The following CLIC5 variants were observed in gnomAD, a reference collection of about 807,000 sequenced individuals.
CLIC5 encodes the protein CLIC family member 5, also known as chloride intracellular channel protein 5.
CLIC5 carries 20 observed loss-of-function variants against 24.7 expected under a neutral mutation model. The ratio of observed to expected loss-of-function variants is 0.81; its 90% CI spans 0.57 to 1.18. CLIC5 has a LOEUF of 1.18. CLIC5 is among the 50% of genes most tolerant of loss of function. The probability of loss-of-function intolerance (pLI) is 0.00; values close to 1 mark genes in which losing one functional copy is unlikely to be tolerated. For synonymous variants in CLIC5, 159 were observed against 135.6 expected, an observed-to-expected ratio of 1.17 and a Z score of -1.20; for missense variants, 341 against 326.1, an observed-to-expected ratio of 1.05 and a Z score of -0.35.
At chr6:46,100,841 A>G in the CLIC5 span, among the ~76,000 whole-genome samples, 22 of 152,244 alleles carry the variant, frequency 1.4e-4, no homozygotes, top group South Asian at 4.1e-4. Context: ...CACAGAGGGA[A>G]CCACAGAGCG....
intron 1 of CLIC5, 46 bp downstream of exon 1, chr6:46,015,434 G>A: frequency 6.8e-7 from 1 of 1,472,990 alleles, no homozygotes; most frequent in Non-Finnish European, 9.1e-7. Context: ...GGGTGAGCCC[G>A]GCGGGAGGCG....
upstream of CLIC5, among the ~76,000 whole-genome samples, chr6:46,019,470 A>G (rs1767112018): frequency 6.6e-6 from 1 of 151,552 alleles, no homozygotes; most frequent in South Asian, 2.1e-4. Flanking sequence ...ATGGATCATG[A>G]GGTCAGGAGA....
chr6:45,908,787 C>T (rs946558850), intron 5 of CLIC5, among the ~76,000 whole-genome samples: 1 of 152,040 alleles, frequency 6.6e-6, no homozygotes, highest in Non-Finnish European at 1.5e-5. Context: ...TCTGTTATGT[C>T]CAATTGTCAA....
chr6:45,904,364 C>T lies in CLIC5; in HGVS notation c.589-1109G>A, dbSNP rs143199867. On this transcript the variant is annotated intron_variant, in intron 5 of 5. Transcript: ENST00000339561. ...GCATGCATTTTCTTAATGGGGACAG[C>T]AGGATGGTTTCTTTAATGAGGTCTC... 2.0e-5 allele frequency among the ~76,000 whole-genome samples: 3 copies of T among 152,060 alleles called. No homozygotes were observed. In the East Asian group the frequency reaches 5.8e-4, roughly 30 times the overall value.
chr6:46,013,963 A>G (rs73448968), intron 1 of CLIC5, among the ~76,000 whole-genome samples: 12,297 of 151,708 alleles, frequency 0.081, 591 homozygotes, highest in Middle Eastern at 0.13. Flanking sequence ...AAGGTCCAAC[A>G]CTACCCAGCA....
chr6:45,949,182 G>T, intron 3 of CLIC5, 74 bp downstream of exon 3: 6 of 1,526,180 alleles, frequency 3.9e-6, no homozygotes, highest in Non-Finnish European at 5.3e-6. Context: ...TCTGCCCGAA[G>T]TTAACACCAG....
chr6:45,999,366 G>C (rs114526805), intron 1 of CLIC5, among the ~76,000 whole-genome samples: 3,159 of 152,214 alleles, frequency 0.021, 116 homozygotes, highest in African/African-American at 0.073. Flanking sequence ...CATTTGCTGG[G>C]TATATGGTGT....
intron 1 of CLIC5, among the ~76,000 whole-genome samples, chr6:46,000,167 T>A (rs1478435961): frequency 6.6e-6 from 1 of 152,224 alleles, no homozygotes; most frequent in Non-Finnish European, 1.5e-5. Flanking sequence ...TCAGTAAGGC[T>A]TCCCATCAGT....
chr6:46,082,248 T>G (rs1193549955), upstream of CLIC5, among the ~76,000 whole-genome samples: 6 of 152,194 alleles, frequency 3.9e-5, no homozygotes, highest in African/African-American at 1.4e-4. Context: ...AATGACCCAG[T>G]GAGGCAGGGC....
chr6:45,913,566 G>A (rs1048178619), intron 5 of CLIC5, among the ~76,000 whole-genome samples: 1 of 152,180 alleles, frequency 6.6e-6, no homozygotes, highest in Non-Finnish European at 1.5e-5. Context: ...CACAGAAACA[G>A]CAGAAAGTGG....
the CLIC5 span, among the ~76,000 whole-genome samples, chr6:46,085,461 G>T: frequency 6.6e-6 from 1 of 152,164 alleles, no homozygotes; most frequent in South Asian, 2.1e-4. Context: ...TGGTGTGGAT[G>T]TCCTTTCTGT....
chr6:45,954,561 A>G (rs1764580939), intron 2 of CLIC5, among the ~76,000 whole-genome samples: 1 of 152,212 alleles, frequency 6.6e-6, no homozygotes, highest in African/African-American at 2.4e-5. Context: ...CAACAGGTAG[A>G]AGACAGGAAA....
intron 1 of CLIC5, among the ~76,000 whole-genome samples, chr6:46,008,663 C>T (rs1008004144): frequency 6.6e-6 from 1 of 152,140 alleles, no homozygotes; most frequent in Admixed American, 6.5e-5. Flanking sequence ...CTTTATCTTA[C>T]TATCTCCTTC....
chr6:46,107,153 GAATTT>G, the CLIC5 span, among the ~76,000 whole-genome samples: 1 of 152,058 alleles, frequency 6.6e-6, no homozygotes, highest in Non-Finnish European at 1.5e-5. Context: ...AATGTCTTCA[GAATTT>G]AATTTAGACT....
the CLIC5 span, among the ~76,000 whole-genome samples, chr6:46,118,245 T>C: frequency 2.0e-4 from 31 of 152,246 alleles, no homozygotes; most frequent in Non-Finnish European, 4.4e-5. Context: ...TATAAACATC[T>C]TTGAACTCTG....
intron 3 of CLIC5, among the ~76,000 whole-genome samples, chr6:45,943,904 A>G (rs1764210315): frequency 6.6e-6 from 1 of 152,220 alleles, no homozygotes; most frequent in Non-Finnish European, 1.5e-5. Flanking sequence ...TAAGATGTTA[A>G]TCTCGCAACT....
At chr6:46,011,495 G>T (rs1287879022) in intron 1 of CLIC5, among the ~76,000 whole-genome samples, 1 of 152,196 alleles carries the variant, frequency 6.6e-6, no homozygotes, top group African/African-American at 2.4e-5. Flanking sequence ...TCGGCTTGGG[G>T]AGCAAACTGC....
At chr6:46,096,360 A>C in the CLIC5 span, among the ~76,000 whole-genome samples, 1 of 152,210 alleles carries the variant, frequency 6.6e-6, no homozygotes, top group East Asian at 1.9e-4. Context: ...TTGACTAGCA[A>C]ATGGATAAAT....
intron 4 of CLIC5, 168 bp from the exon 5 acceptor site, chr6:45,914,577 G>A: frequency 8.1e-7 from 1 of 1,230,402 alleles, no homozygotes; most frequent in Non-Finnish European, 1.0e-6. Context: ...TGCAGTAGAA[G>A]TGTACTAAAT....
Sources: gnomAD v4.1 joint callset for allele counts (sites outside exome capture counted in the v4.1 genomes callset) on GRCh38, gnomAD v4.1.1 for gene constraint, MANE v1.5 for transcripts, NCBI Gene and HGNC (gene_info 2026-07-23, HGNC 2026-07-21) for gene names.